CHD1: variants seen among roughly 807,000 people sequenced by gnomAD.
CHD1 encodes ATP-dependent chromatin remodeler CHD1.
A neutral mutation model predicts 224.2 loss-of-function variants in CHD1; 36 were observed. The ratio of observed to expected loss-of-function variants is 0.16; its 90% CI spans 0.12 to 0.21. The LOEUF (loss-of-function observed/expected upper bound fraction) is 0.21. CHD1 is among the 10% of genes least tolerant of loss of function. The pLI is 1.00. For missense variants in CHD1, 1,378 were observed against 1,994.8 expected (o/e 0.69, Z 5.89); for synonymous variants, 668 against 658.3 (o/e 1.01, Z -0.23).
At chr5:98,887,578 T>A (rs1005479749) in intron 17 of CHD1, among the ~76,000 whole-genome samples, 4 of 152,190 alleles carry the variant, frequency 2.6e-5, no homozygotes, top group African/African-American at 9.6e-5. Context: ...TTATATTGAA[T>A]GAACTTCAAT....
chr5:98,875,876 T>A (rs977575404), intron 24 of CHD1, among the ~76,000 whole-genome samples: 2 of 152,200 alleles, frequency 1.3e-5, no homozygotes, highest in Non-Finnish European at 2.9e-5. Flanking sequence ...CTTAAATAAA[T>A]GTGTATATAT....
intron 2 of CHD1, among the ~76,000 whole-genome samples, chr5:98,913,842 A>C (rs896674736): frequency 2.0e-5 from 3 of 152,250 alleles, no homozygotes; most frequent in Non-Finnish European, 4.4e-5. Flanking sequence ...TGTAATAACA[A>C]GTGTACAAGT....
At chr5:98,869,365 G>A in intron 30 of CHD1, 1 of 622,212 alleles carries the variant, frequency 1.6e-6, no homozygotes, top group Non-Finnish European at 2.0e-6. Context: ...TTGCATGTAT[G>A]TGGATTCTGA....
chr5:98,917,503 A>G (rs1220129044), intron 2 of CHD1, among the ~76,000 whole-genome samples: 1 of 152,192 alleles, frequency 6.6e-6, no homozygotes, highest in African/African-American at 2.4e-5. Flanking sequence ...GAATCCCATG[A>G]TATCTACCAC....
chr5:98,863,621 T>A (rs780992886), intron 31 of CHD1, 35 bp from the exon 32 acceptor site: 15 of 1,495,556 alleles, frequency 1.0e-5, no homozygotes, highest in Non-Finnish European at 1.4e-5. Context: ...TAAACACATG[T>A]ATTAAAAACC....
intron 15 of CHD1, chr5:98,889,678 T>G (rs561862311): frequency 6.6e-6 from 1 of 152,522 alleles, no homozygotes; most frequent in East Asian, 1.9e-4. Flanking sequence ...ATGTAACTTA[T>G]AGAAAACATC....
intron 32 of CHD1, chr5:98,860,413 G>A: frequency 6.9e-6 from 2 of 291,618 alleles, no homozygotes; most frequent in South Asian, 3.1e-5. Flanking sequence ...TGCATATAAG[G>A]GACAGGTATG....
rs576194693 is a variant in CHD1 at position 98,919,170 on chromosome 5, G to A, written c.53+7164C>T. ...GAATCTTATTAAAATGGAAATTCTGGCTCAGTAGATCTGGGACCTTTTAAG... is the reference window on the plus strand; with the variant it reads ...GAATCTTATTAAAATGGAAATTCTGACTCAGTAGATCTGGGACCTTTTAAG... On this transcript the variant is annotated intron_variant, in intron 2 of 35. Transcript: ENST00000614616. Among the ~76,000 whole-genome samples the A allele has an allele frequency of 7.9e-5, 12 of 152,254 alleles. No homozygotes were observed. In the South Asian group the frequency reaches 2.3e-3, roughly 29 times the overall value.
chr5:98,918,097 G>A (rs1350780239), intron 2 of CHD1, among the ~76,000 whole-genome samples: 2 of 146,702 alleles, frequency 1.4e-5, no homozygotes, highest in South Asian at 2.1e-4. Context: ...TCGCTCTGTC[G>A]CCCAGGCTGG....
intron 25 of CHD1, among the ~76,000 whole-genome samples, chr5:98,874,219 TA>T (rs1478737025): frequency 3.3e-5 from 5 of 151,860 alleles, no homozygotes; most frequent in South Asian, 2.1e-4. Context: ...TTTTTAAGAG[TA>T]AAAAAATAAA....
chr5:98,899,465 A>G lies in CHD1; in HGVS notation c.1085+15T>C. ...TGAACTATTAAAAGAAGTATATGAT[A>G]TACAGCATACTTACCATCTTTTTGT... is the stretch of plus-strand genomic sequence containing the variant. On this transcript the variant is annotated intron_variant, in intron 8 of 35. Coordinates refer to ENST00000614616, the MANE Select transcript of CHD1 (RefSeq NM_001270.4). 6.9e-7 allele frequency: 1 copy of G among 1,447,476 alleles called. No homozygotes were observed. The allele number at this position is 1,447,476 out of a possible 1,614,324, so 89.7% of individuals were successfully genotyped here.
chr5:98,856,612 T>C lies in CHD1; in HGVS notation c.4901A>G (p.His1634Arg), dbSNP rs1252745571. The C allele has an allele frequency of 1.2e-6, 2 of 1,613,610 alleles. No homozygotes were observed. The highest frequency in any genetic ancestry group is 2.2e-5 in the East Asian group (1 of 44,882). ...KDRSHSDHRS[H>R]SDHRLHSDHR... ...GTCTGAATGTAACCGATGATCTGAG[T>C]GAGAACGATGATCAGAATGAGATCT... Residue 1634 changes from histidine (H) to arginine (R), a missense_variant, in exon 36 of 36, where the codon CAC (histidine) becomes CGC (arginine). Physicochemically the swap from His to Arg is conservative, Grantham distance 29. This residue lies in a region of CHD1 where 278 missense variants were observed against 298.5 expected (regional missense o/e 0.93). Transcript: ENST00000614616.
chr5:98,876,135 TC>T (rs1314838130), intron 24 of CHD1, among the ~76,000 whole-genome samples: 8 of 152,282 alleles, frequency 5.3e-5, no homozygotes, highest in Middle Eastern at 3.4e-3. Flanking sequence ...TTCGAAAGGA[TC>T]ACTATTGAGT....
chr5:98,893,792 G>A (rs1751173980), intron 13 of CHD1, among the ~76,000 whole-genome samples, 186 bp from the exon 14 acceptor site: 1 of 152,040 alleles, frequency 6.6e-6, no homozygotes, highest in Non-Finnish European at 1.5e-5. Context: ...TTCCTTCTAT[G>A]ACAAATTTAA....
intron 31 of CHD1, among the ~76,000 whole-genome samples, chr5:98,864,755 G>A (rs1341191780): frequency 1.3e-5 from 2 of 152,038 alleles, no homozygotes; most frequent in African/African-American, 2.4e-5. Flanking sequence ...AATAAAATTA[G>A]AATTCAGTCA....
chr5:98,895,117 G>A (rs1215398500), intron 12 of CHD1, among the ~76,000 whole-genome samples: 3 of 152,018 alleles, frequency 2.0e-5, no homozygotes, highest in South Asian at 2.1e-4. Flanking sequence ...CGGCATGCCC[G>A]GCCAGAGTTA....
In CHD1 at chr5:98,873,671, G is replaced by T; in HGVS notation, c.3493C>A (p.Leu1165Ile). The change falls in exon 26 of 36, where the codon CTT becomes ATT. Residue 1165 changes from leucine (L) to isoleucine (I), a missense_variant. Around this residue, in one of 16 missense-constraint regions of CHD1, gnomAD observed 286 missense variants for 445.1 expected, o/e 0.64. Coordinates refer to ENST00000614616, the MANE Select transcript of CHD1 (RefSeq NM_001270.4). ...TGTACCAATTCTCCCAGTCGTCTAA[G>T]GTCTGTTTCTGACTTATCAACTAAC... is the stretch of plus-strand genomic sequence containing the variant. ...AELVDKSETDLRRLGELVHNG... is the reference protein window; with the variant it reads ...AELVDKSETDIRRLGELVHNG... 6.2e-7 allele frequency: 1 copy of T among 1,609,634 alleles called. No homozygotes were observed. Among genetic ancestry groups the T allele is most frequent in the East Asian group, 2.2e-5 (1 of 44,514 alleles).
chr5:98,901,749 TAA>T (rs34642604), intron 5 of CHD1, among the ~76,000 whole-genome samples: 16 of 141,826 alleles, frequency 1.1e-4, no homozygotes, highest in Admixed American at 4.2e-4. Flanking sequence ...ATAGAAAAAT[TAA>T]AAAAAAAAAA....
chr5:98,871,369 C>CAAAAAAAAAAAAAA (rs61406690), intron 28 of CHD1, among the ~76,000 whole-genome samples: 2 of 46,780 alleles, frequency 4.3e-5, no homozygotes, highest in African/African-American at 2.2e-4. Context: ...CCATTTTAGG[C>CAAAAAAAAAAAAAA]AAAAAAAAAA....
Sources: gnomAD v4.1 joint callset for allele counts (sites outside exome capture counted in the v4.1 genomes callset) on GRCh38, gnomAD v4.1.1 for gene constraint, gnomAD v4.1.1 regional missense constraint, MANE v1.5 for transcripts, NCBI Gene and HGNC (gene_info 2026-07-23, HGNC 2026-07-21) for gene names.